The following OBP2B variants were observed in gnomAD, a reference collection of about 807,000 sequenced individuals.
OBP2B encodes the protein odorant binding protein 2B.
In OBP2B, 10 loss-of-function variants were observed where a neutral mutation model predicts 21.7. The observed-to-expected ratio is 0.46, with a 90% CI of 0.28 to 0.78. The LOEUF (loss-of-function observed/expected upper bound fraction) is 0.78, where lower values mean the gene tolerates loss of function less well. Ranked by LOEUF, OBP2B falls within the 30% of genes least tolerant of loss-of-function variation. The pLI is 0.11. For synonymous variants in OBP2B, 73 were observed against 91.5 expected, an observed-to-expected ratio of 0.80 and a Z score of 1.16; for missense variants, 153 against 217.7, an observed-to-expected ratio of 0.70 and a Z score of 1.87.
At chr9:133,221,465 C>T in the OBP2B span, among the ~76,000 whole-genome samples, 1 of 152,176 alleles carries the variant, frequency 6.6e-6, no homozygotes, top group Non-Finnish European at 1.5e-5. Flanking sequence ...CACCACAATT[C>T]CCTAAATTGT....
chr9:133,216,885 T>C, the OBP2B span, among the ~76,000 whole-genome samples: 10 of 152,094 alleles, frequency 6.6e-5, no homozygotes, highest in Admixed American at 5.2e-4. Flanking sequence ...ATACACATGA[T>C]AGCTCTGTGT....
upstream of OBP2B, among the ~76,000 whole-genome samples, chr9:133,213,486 A>G (rs1179042690): frequency 6.6e-6 from 1 of 152,230 alleles, no homozygotes; most frequent in Admixed American, 6.5e-5. Context: ...AAAACAACAG[A>G]GAAAAACAAT....
rs782267708 is a variant in OBP2B at position 133,205,907 on chromosome 9, G to C, written c.*1+10C>G. Reference sequence around the variant, plus strand: ...GGGCTTGTCCAGTGCCCTCCTAAAGGCTCACTCACCCTAGTGTTCGGGAAC... The same window carrying C: ...GGGCTTGTCCAGTGCCCTCCTAAAGCCTCACTCACCCTAGTGTTCGGGAAC... On this transcript the variant is annotated intron_variant, in intron 6 of 6. Transcript: ENST00000372034. 5.0e-6 allele frequency: 8 copies of C among 1,613,842 alleles called. No homozygotes were observed. Among genetic ancestry groups the C allele is most frequent in the Non-Finnish European group, 6.8e-6 (8 of 1,179,786 alleles).
At chr9:133,218,062 G>A in the OBP2B span, among the ~76,000 whole-genome samples, 6 of 152,212 alleles carry the variant, frequency 3.9e-5, no homozygotes, top group South Asian at 2.1e-4. Flanking sequence ...AGGAGTGTCA[G>A]GACAAGGGGT....
chr9:133,207,211 C>T lies in OBP2B; in HGVS notation c.388+15G>A. 2 of 1,577,816 alleles carry T rather than the reference C, an allele frequency of 1.3e-6. No homozygotes were observed. The highest frequency in any genetic ancestry group is 2.2e-5 in the South Asian group (2 of 90,376). ...ACCGTGGGGCAGGACACGCAGACCC[C>T]AGCAAGCCCCTCACCCACAAGCTTT... On this transcript the variant is annotated intron_variant, in intron 4 of 6. Transcript: ENST00000372034.
chr9:133,210,429 T>G (rs1387877718), upstream of OBP2B, among the ~76,000 whole-genome samples: 1 of 151,806 alleles, frequency 6.6e-6, no homozygotes, highest in Admixed American at 6.6e-5. Context: ...CCACGGCAAG[T>G]GCTGCCGAGC....
chr9:133,222,459 G>A, the OBP2B span, among the ~76,000 whole-genome samples: 2 of 152,222 alleles, frequency 1.3e-5, no homozygotes, highest in African/African-American at 4.8e-5. Flanking sequence ...TGGCTGCAGT[G>A]GCTCACATCC....
At chr9:133,216,815 T>G in the OBP2B span, among the ~76,000 whole-genome samples, 12 of 152,248 alleles carry the variant, frequency 7.9e-5, no homozygotes, top group Middle Eastern at 3.4e-3. Flanking sequence ...TGAGCAGATT[T>G]CAGGAGTGGA....
the OBP2B span, among the ~76,000 whole-genome samples, chr9:133,222,469 C>T: frequency 1.4e-4 from 22 of 152,170 alleles, no homozygotes; most frequent in African/African-American, 4.3e-4. Flanking sequence ...GGCTCACATC[C>T]GTAATCCCAG....
chr9:133,208,146 G>A lies in OBP2B; in HGVS notation c.264C>T (p.Gly88=), dbSNP rs138653366. The change falls in exon 3 of 7, where the codon GGC becomes GGT. Residue 88 remains glycine (G), a synonymous_variant. Coordinates refer to ENST00000372034, the MANE Select transcript of OBP2B (RefSeq NM_014581.4). ...KILMRKTEEP[G]KYSAYGGRKL... is the part of the protein sequence containing the mutation. Reference sequence around the variant, plus strand: ...GGAGGGGCTCACAGGCGCTGTATTTGCCAGGCTCCTCCGTCTTCCGCATCA... The same window carrying A: ...GGAGGGGCTCACAGGCGCTGTATTTACCAGGCTCCTCCGTCTTCCGCATCA... 293 of 1,611,468 alleles carry A rather than the reference G, an allele frequency of 1.8e-4. 1 individual carries two copies. In the African/African-American group the frequency reaches 3.7e-3, roughly 20 times the overall value.
chr9:133,215,842 T>TCC, the OBP2B span, among the ~76,000 whole-genome samples: 1 of 152,238 alleles, frequency 6.6e-6, no homozygotes, highest in African/African-American at 2.4e-5. Flanking sequence ...ATAGCTTTTG[T>TCC]AGCAAATGGG....
At chr9:133,206,945 G>A (rs1256148677) in intron 4 of OBP2B, among the ~76,000 whole-genome samples, 1 of 151,952 alleles carries the variant, frequency 6.6e-6, no homozygotes, top group Non-Finnish European at 1.5e-5. Flanking sequence ...CTCTTAGGAC[G>A]CTTAAGGTGA....
Position 133,208,567 on chromosome 9 carries a change from G to C in OBP2B, c.108C>G (p.Val36=), listed in dbSNP as rs199586345. 1 of 1,612,320 alleles carries C rather than the reference G, an allele frequency of 6.2e-7. No homozygotes were observed. The highest frequency in any genetic ancestry group is 2.2e-5 in the East Asian group (1 of 44,838). The part of the protein sequence containing the change: ...TGTWYVKAMV[V]DKDFPEDRRP... ...TCCTGTCCTCCGGAAAGTCCTTATC[G>C]ACCACCATGGCCTTCACGTACCAGG... Residue 36 remains valine (V), a synonymous_variant, in exon 2 of 7, where the codon GTC becomes GTG. Transcript: ENST00000372034.
At chr9:133,207,967 G>A in intron 3 of OBP2B, 166 bp downstream of exon 3, 1 of 1,530,894 alleles carries the variant, frequency 6.5e-7, no homozygotes, top group Non-Finnish European at 8.8e-7. Context: ...GGTGTCTGAT[G>A]TCAGGGCCAC....
chr9:133,218,855 A>G, the OBP2B span, among the ~76,000 whole-genome samples: 4 of 152,230 alleles, frequency 2.6e-5, no homozygotes. Context: ...GCAGAGGAAG[A>G]GCTCCAGAAA....
At chr9:133,223,109 G>A in the OBP2B span, among the ~76,000 whole-genome samples, 126,136 of 151,566 alleles carry the variant, frequency 0.83, 53,208 homozygotes, top group African/African-American at 0.92. This position sits in a 1 kb window ranked among gnomAD's most constrained non-coding sequence, Gnocchi z 4.4. Context: ...TGGCTTGAGC[G>A]GTAGAGCAGC....
In OBP2B at chr9:133,205,633, G is replaced by A. The variant is rs1447577280; in HGVS notation, c.*2-222C>T. The A allele has an allele frequency of 5.3e-4, 319 of 605,586 alleles. 3 individuals carry two copies. The highest frequency in any genetic ancestry group is 4.4e-4 in the Middle Eastern group (1 of 2,280). 37.5% of individuals were successfully genotyped at this position (605,586 alleles called of 1,614,324 possible). ...CCGCGTGGGGACAGGTGCAGGGGGCGATGGGCTGAGCTGACACCTGAGGGA... is the reference window on the plus strand; with the variant it reads ...CCGCGTGGGGACAGGTGCAGGGGGCAATGGGCTGAGCTGACACCTGAGGGA... On this transcript the variant is annotated intron_variant, in intron 6 of 6. Transcript: ENST00000372034.
At chr9:133,211,716 G>A (rs1407378017), upstream of OBP2B, among the ~76,000 whole-genome samples, 2 of 152,170 alleles carry the variant, frequency 1.3e-5, no homozygotes, top group Non-Finnish European at 2.9e-5. Flanking sequence ...AACATATTTT[G>A]TTGGTTTTTC....
the OBP2B span, among the ~76,000 whole-genome samples, chr9:133,215,999 A>T: frequency 1.3e-5 from 2 of 152,216 alleles, no homozygotes; most frequent in African/African-American, 2.4e-5. Context: ...AGAAAACAGA[A>T]AGAAAATCTT....
Sources: gnomAD v4.1 joint callset for allele counts (sites outside exome capture counted in the v4.1 genomes callset) on GRCh38, gnomAD v4.1.1 for gene constraint, Gnocchi (gnomAD v3.1) non-coding constraint, MANE v1.5 for transcripts, NCBI Gene and HGNC (gene_info 2026-07-23, HGNC 2026-07-21) for gene names.